Variants in EFCAB13 observed in about 807,000 individuals in gnomAD.
EFCAB13 encodes EF-hand calcium binding domain 13, also known as EF-hand calcium-binding domain-containing protein 13.
EFCAB13 carries 91 observed loss-of-function variants against 110.2 expected under a neutral mutation model. The ratio of observed to expected loss-of-function variants is 0.83; its 90% CI spans 0.70 to 0.98. The LOEUF (loss-of-function observed/expected upper bound fraction) is 0.98, where lower values mean the gene tolerates loss of function less well. Ranked by LOEUF, EFCAB13 falls within the 50% of genes least tolerant of loss-of-function variation. The pLI is 0.00. For missense variants in EFCAB13, 968 were observed against 1,119.4 expected, an observed-to-expected ratio of 0.86 and a Z score of 1.93; for synonymous variants, 323 against 369.9, an observed-to-expected ratio of 0.87 and a Z score of 1.45.
intron 12 of EFCAB13, 35 bp downstream of exon 12, chr17:47,375,001 C>T: frequency 6.6e-7 from 1 of 1,520,346 alleles, no homozygotes; most frequent in South Asian, 1.4e-5. Flanking sequence ...GTTCTTCAGT[C>T]ATCACAGAAA....
intron 9 of EFCAB13, among the ~76,000 whole-genome samples, chr17:47,348,839 T>A (rs2065432525): frequency 6.6e-6 from 1 of 152,194 alleles, no homozygotes; most frequent in Non-Finnish European, 1.5e-5. Flanking sequence ...TTCGTAGATA[T>A]TTTATTCCAT....
intron 13 of EFCAB13, 114 bp downstream of exon 13, chr17:47,378,017 C>A: frequency 1.0e-6 from 1 of 954,604 alleles, no homozygotes; most frequent in South Asian, 2.3e-5. Flanking sequence ...CAGAATGGGT[C>A]ATTCTAAAGA....
rs1905308836 is a variant in EFCAB13 at position 47,440,882 on chromosome 17, C to A, written c.*168C>A. 5.7e-6 allele frequency: 3 copies of A among 522,442 alleles called. No homozygotes were observed. The highest frequency in any genetic ancestry group is 9.6e-6 in the Non-Finnish European group (3 of 311,244). The allele number at this position is 522,442 out of a possible 1,614,324, so 32.4% of individuals were successfully genotyped here. A position where few individuals can be genotyped will look rare whatever the true frequency, so the allele number is the denominator to read the frequency against. ...ATGTATCTTCAGCGACTCTCTTGAT[C>A]ACACTTTTTAAACATTCATGCTTTT... On this transcript the variant is annotated 3_prime_UTR_variant, in exon 25 of 25. Coordinates refer to ENST00000331493, the MANE Select transcript of EFCAB13 (RefSeq NM_152347.5).
At chr17:47,393,494 T>C (rs994601562) in intron 15 of EFCAB13, among the ~76,000 whole-genome samples, 2 of 152,118 alleles carry the variant, frequency 1.3e-5, no homozygotes, top group Admixed American at 1.3e-4. Flanking sequence ...ATCCACAGAA[T>C]GTATACATAA....
At chr17:47,391,390 T>C (rs746566173) in intron 14 of EFCAB13, 47 bp from the exon 15 acceptor site, 2 of 1,397,888 alleles carry the variant, frequency 1.4e-6, no homozygotes, top group Admixed American at 2.9e-5. Context: ...TGGTGTTTTA[T>C]TTTTGACTTA....
At chr17:47,337,849 G>A (rs368742281) in intron 5 of EFCAB13, among the ~76,000 whole-genome samples, 23 of 152,226 alleles carry the variant, frequency 1.5e-4, no homozygotes, top group Admixed American at 5.9e-4. Context: ...GAACTGTAGC[G>A]TATGAGTTAT....
At chr17:47,339,793 T>G (rs191637833) in intron 5 of EFCAB13, 47 of 152,018 alleles carry the variant, frequency 3.1e-4, no homozygotes, top group African/African-American at 1.0e-3. Context: ...GAATGTTGAT[T>G]AAAAAGAAGT....
At chr17:47,357,629 G>A (rs1242836933) in intron 9 of EFCAB13, among the ~76,000 whole-genome samples, 2 of 152,150 alleles carry the variant, frequency 1.3e-5, no homozygotes, top group Non-Finnish European at 2.9e-5. Context: ...TGGCCAGGCT[G>A]GTCTCGAACT....
intron 5 of EFCAB13, among the ~76,000 whole-genome samples, chr17:47,340,766 ATTTT>A (rs58304526): frequency 0.037 from 1,996 of 53,976 alleles, 49 homozygotes; most frequent in East Asian, 0.18. Flanking sequence ...CACCTGGCTA[ATTTT>A]TTTTTTTTTT....
chr17:47,328,462 CAGTA>C (rs1203941550), intron 4 of EFCAB13, 79 bp downstream of exon 4: 2 of 1,154,756 alleles, frequency 1.7e-6, no homozygotes, highest in Non-Finnish European at 2.5e-6. Flanking sequence ...TATTCATAAT[CAGTA>C]AGCAAATTCA....
intron 22 of EFCAB13, among the ~76,000 whole-genome samples, chr17:47,414,253 A>G (rs55801900): frequency 0.093 from 13,376 of 143,636 alleles, 849 homozygotes; most frequent in East Asian, 0.35. Context: ...GTGTGTGTGC[A>G]CGTGCGTGTG....
chr17:47,373,629 G>T (rs922047731), intron 11 of EFCAB13, among the ~76,000 whole-genome samples: 3 of 152,110 alleles, frequency 2.0e-5, no homozygotes, highest in Admixed American at 6.5e-5. Flanking sequence ...AAGTGTCAAA[G>T]ATTATATTTT....
rs1241861492 is a variant in EFCAB13 at position 47,414,859 on chromosome 17, G to A, written c.2434G>A (p.Val812Met). The A allele has an allele frequency of 6.2e-7, 1 of 1,604,720 alleles. No individual in the cohort carries two copies. The highest frequency in any genetic ancestry group is 2.2e-5 in the East Asian group (1 of 44,618). Reference protein sequence around the residue: ...NCCNVSDNMEVDLKDFLMKMK... With the variant: ...NCCNVSDNMEMDLKDFLMKMK... ...CTTTGACCTTCCAGATAATATGGAG[G>A]TGGATTTAAAAGATTTCTTAATGAA... Residue 812 changes from valine to methionine, a missense_variant, in exon 23 of 25, where the codon GTG becomes ATG. Coordinates refer to ENST00000331493, the MANE Select transcript of EFCAB13 (RefSeq NM_152347.5).
Position 47,395,923 on chromosome 17 carries a change from A to T in EFCAB13, c.1891A>T (p.Ser631Cys). Residue 631 changes from serine to cysteine, a missense_variant, in exon 17 of 25, where the codon AGT (serine) becomes TGT (cysteine). Ser to Cys is a moderately radical substitution (Grantham distance 112). Coordinates refer to ENST00000331493, the MANE Select transcript of EFCAB13 (RefSeq NM_152347.5). ...DLWNTLSSLN[S>C]NLKKDEFLAA... ...GTGGAATACTCTGTCTAGTTTGAATAGTAATTTAAAAAAGGATGAATTTCT... is the reference window on the plus strand; with the variant it reads ...GTGGAATACTCTGTCTAGTTTGAATTGTAATTTAAAAAAGGATGAATTTCT... 6.2e-7 allele frequency: 1 copy of T among 1,609,628 alleles called. No individual in the cohort carries two copies. The highest frequency in any genetic ancestry group is 8.5e-7 in the Non-Finnish European group (1 of 1,176,996).
intron 12 of EFCAB13, among the ~76,000 whole-genome samples, chr17:47,377,376 G>A (rs969676556): frequency 3.3e-5 from 5 of 152,050 alleles, no homozygotes; most frequent in African/African-American, 4.8e-5. Context: ...TGGCCAGGCC[G>A]GTCTCAAACT....
chr17:47,391,352 G>T, intron 14 of EFCAB13, 85 bp from the exon 15 acceptor site: 1 of 1,015,036 alleles, frequency 9.9e-7, no homozygotes, highest in Non-Finnish European at 1.4e-6. Context: ...TGTTAATTTA[G>T]TGTTAGAACT....
intron 10 of EFCAB13, among the ~76,000 whole-genome samples, chr17:47,368,071 A>T (rs1481226233): frequency 5.3e-5 from 8 of 152,240 alleles, no homozygotes; most frequent in Non-Finnish European, 1.0e-4. Flanking sequence ...GCATTATTCC[A>T]TATAATGATC....
chr17:47,375,100 TA>T, intron 12 of EFCAB13, 134 bp downstream of exon 12: 1 of 1,086,254 alleles, frequency 9.2e-7, no homozygotes, highest in Non-Finnish European at 1.2e-6. Flanking sequence ...TTTTAATTTT[TA>T]AATTATTTAT....
chr17:47,408,071 A>T (rs907830229), intron 20 of EFCAB13, among the ~76,000 whole-genome samples: 1 of 152,246 alleles, frequency 6.6e-6, no homozygotes, highest in Non-Finnish European at 1.5e-5. Flanking sequence ...GCTTTGAAGA[A>T]TAATTTTATT....
Sources: gnomAD v4.1 joint callset for allele counts (sites outside exome capture counted in the v4.1 genomes callset) on GRCh38, gnomAD v4.1.1 for gene constraint, MANE v1.5 for transcripts, NCBI Gene and HGNC (gene_info 2026-07-23, HGNC 2026-07-21) for gene names.